The following RAB40B variants were observed in gnomAD, a reference collection of about 807,000 sequenced individuals.
RAB40B encodes the protein ras-related protein Rab-40B.
In RAB40B, 21 loss-of-function variants were observed where a neutral mutation model predicts 24.0. The ratio of observed to expected loss-of-function variants is 0.88; its 90% confidence interval spans 0.62 to 1.26. The LOEUF is 1.26. RAB40B is among the 50% of genes most tolerant of loss of function. The pLI is 0.00. For synonymous variants in RAB40B, 167 were observed against 169.8 expected, an observed-to-expected ratio of 0.98 and a Z score of 0.13; for missense variants, 348 against 390.5, an observed-to-expected ratio of 0.89 and a Z score of 0.92.
At chr17:82,694,457 G>A (rs1222252325) in intron 1 of RAB40B, among the ~76,000 whole-genome samples, 1 of 151,452 alleles carries the variant, frequency 6.6e-6, no homozygotes, top group Non-Finnish European at 1.5e-5. Context: ...ACTTGAACCT[G>A]GGAGGTGGAG....
intron 1 of RAB40B, among the ~76,000 whole-genome samples, chr17:82,680,735 A>AT (rs2046440875): frequency 1.3e-5 from 2 of 152,294 alleles, no homozygotes; most frequent in South Asian, 4.1e-4. Context: ...TTTTAATTCT[A>AT]AAATATAATT....
chr17:82,678,727 C>T (rs1170386756), intron 1 of RAB40B, among the ~76,000 whole-genome samples: 2 of 152,088 alleles, frequency 1.3e-5, no homozygotes, highest in South Asian at 2.1e-4. Flanking sequence ...AGGGGCAGGG[C>T]GAATGGCCAC....
At chr17:82,659,258 G>A (rs1237535442) in intron 4 of RAB40B, 4 of 355,400 alleles carry the variant, frequency 1.1e-5, no homozygotes, top group East Asian at 1.1e-4. Flanking sequence ...AGGCACAAGC[G>A]CCGGTCACTG....
chr17:82,694,102 A>G (rs1420172442), intron 1 of RAB40B, among the ~76,000 whole-genome samples: 1 of 147,618 alleles, frequency 6.8e-6, no homozygotes, highest in African/African-American at 2.6e-5. Flanking sequence ...AAAAAAAAAA[A>G]GGAAAACTCC....
At chr17:82,662,339 C>T in intron 2 of RAB40B, 1 of 985,486 alleles carries the variant, frequency 1.0e-6, no homozygotes, top group Non-Finnish European at 1.2e-6. Context: ...GTCGAGGAGG[C>T]AGCGGGCCAG....
Position 82,658,108 on chromosome 17 carries a change from G to C in RAB40B, c.592C>G (p.Arg198Gly). The C allele has an allele frequency of 6.2e-7, 1 of 1,614,088 alleles. No homozygotes were observed. The highest frequency in any genetic ancestry group is 8.5e-7 in the Non-Finnish European group (1 of 1,179,982). Residue 198 changes from arginine (R) to glycine (G), a missense_variant, in exon 6 of 6, where the codon CGG (arginine) becomes GGG (glycine). Arg to Gly is a moderately radical substitution (Grantham distance 125). Around this residue, in one of 3 missense-constraint regions of RAB40B, gnomAD observed 121 missense variants for 124.0 expected, o/e 0.98. Transcript: ENST00000571995. ...ACCGGCGTGCAGGACACGACCGCCC[G>C]GCAGCAGAGGTCTTGCAAGCTCAGC... ...KVLSLQDLCC[R>G]AVVSCTPVHL...
chr17:82,672,072 ATG>A (rs1568037068), intron 1 of RAB40B, among the ~76,000 whole-genome samples: 2 of 27,304 alleles, frequency 7.3e-5, no homozygotes, highest in African/African-American at 2.4e-4. Flanking sequence ...ACACACACAC[ATG>A]CTCCCTGTAC....
chr17:82,671,486 T>C (rs118196936), intron 1 of RAB40B, among the ~76,000 whole-genome samples: 239 of 8,414 alleles, frequency 0.028, no homozygotes, highest in East Asian at 0.043. Flanking sequence ...CACACTCACA[T>C]GCTCCCTGTA....
intron 1 of RAB40B, among the ~76,000 whole-genome samples, chr17:82,674,601 T>C (rs1208441168): frequency 6.8e-6 from 1 of 147,408 alleles, no homozygotes; most frequent in East Asian, 2.0e-4. Context: ...ATCGCGCCAC[T>C]GCACTCCAGC....
At chr17:82,685,625 G>A (rs529847877) in intron 1 of RAB40B, among the ~76,000 whole-genome samples, 1 of 152,168 alleles carries the variant, frequency 6.6e-6, no homozygotes. Context: ...CAGTGCTGAA[G>A]CTCCAAGAAG....
chr17:82,673,446 C>T (rs1297960702), intron 1 of RAB40B, among the ~76,000 whole-genome samples: 1 of 39,448 alleles, frequency 2.5e-5, no homozygotes, highest in African/African-American at 1.1e-4. Flanking sequence ...TGCTGGATTC[C>T]ATCCTTCCCT....
At position 82,659,642 on chromosome 17, in the gene RAB40B, A is replaced by G; in HGVS notation, c.280T>C (p.Tyr94His). Residue 94 changes from tyrosine to histidine, a missense_variant, in exon 4 of 6, where the codon TAT (tyrosine) becomes CAT (histidine). By Grantham distance (83) the Tyr-to-His change is moderately conservative. Coordinates refer to ENST00000571995, the MANE Select transcript of RAB40B (RefSeq NM_006822.3). ...SRGAQGVILV[Y>H]DIANRWSFDG... ...AAAGACCAGCGGTTCGCAATGTCATAGACCAGGATCACACCCTGGGGGAGA... is the reference window on the plus strand; with the variant it reads ...AAAGACCAGCGGTTCGCAATGTCATGGACCAGGATCACACCCTGGGGGAGA... 6.2e-7 allele frequency: 1 copy of G among 1,614,184 alleles called. No individual in the cohort carries two copies. The highest frequency in any genetic ancestry group is 8.5e-7 in the Non-Finnish European group (1 of 1,180,018).
At chr17:82,660,574 G>A (rs549755861) in intron 3 of RAB40B, among the ~76,000 whole-genome samples, 2 of 149,858 alleles carry the variant, frequency 1.3e-5, no homozygotes, top group East Asian at 2.0e-4. Context: ...ACACGCACAG[G>A]CACTCATGCC....
At chr17:82,671,145 T>A (rs79533931) in intron 1 of RAB40B, among the ~76,000 whole-genome samples, 26 of 147,374 alleles carry the variant, frequency 1.8e-4, no homozygotes, top group African/African-American at 5.7e-4. Flanking sequence ...CCCCTGTAAC[T>A]CCAACACACA....
intron 1 of RAB40B, among the ~76,000 whole-genome samples, chr17:82,687,946 C>T (rs569631891): frequency 4.6e-5 from 7 of 152,060 alleles, no homozygotes; most frequent in African/African-American, 1.7e-4. Flanking sequence ...GTGGCATGCA[C>T]CTATAGTCCC....
intron 1 of RAB40B, among the ~76,000 whole-genome samples, chr17:82,688,808 C>A (rs765865161): frequency 1.3e-5 from 2 of 152,110 alleles, no homozygotes; most frequent in Non-Finnish European, 2.9e-5. Context: ...GTGGTGCATG[C>A]CTGTAATCCC....
chr17:82,694,989 A>G (rs11655071), intron 1 of RAB40B, among the ~76,000 whole-genome samples: 15,953 of 151,798 alleles, frequency 0.11, 1,156 homozygotes, highest in Non-Finnish European at 0.15. Context: ...CATAAATGGT[A>G]AAAGGACTTT....
At chr17:82,681,218 C>T (rs2046446777) in intron 1 of RAB40B, among the ~76,000 whole-genome samples, 1 of 152,010 alleles carries the variant, frequency 6.6e-6, no homozygotes, top group African/African-American at 2.4e-5. Flanking sequence ...TCCCCCACCC[C>T]CAACTCCTTA....
At chr17:82,686,606 G>A (rs1046609480) in intron 1 of RAB40B, among the ~76,000 whole-genome samples, 3 of 152,222 alleles carry the variant, frequency 2.0e-5, no homozygotes, top group African/African-American at 7.2e-5. Context: ...AGGGCTGCCA[G>A]CAGCACCCCA....
Sources: allele counts gnomAD v4.1 joint callset (sites outside exome capture counted in the v4.1 genomes callset), GRCh38; gene constraint gnomAD v4.1.1; regional missense constraint gnomAD v4.1.1; transcripts MANE v1.5; gene names NCBI Gene and HGNC (gene_info 2026-07-23, HGNC 2026-07-21).